The following HYOU1 variants were observed in gnomAD, a reference collection of about 807,000 sequenced individuals.
HYOU1 encodes hypoxia up-regulated protein 1.
Under a neutral mutation model 120.5 loss-of-function variants are expected in HYOU1, and 40 were observed. That is an observed-to-expected ratio of 0.33 (90% confidence interval 0.26 to 0.43). The LOEUF (loss-of-function observed/expected upper bound fraction) is 0.43, where lower values mean the gene tolerates loss of function less well. HYOU1 is among the 20% of genes least tolerant of loss of function. The pLI, the probability that HYOU1 is intolerant of heterozygous loss-of-function variation, is 1.00. For synonymous variants in HYOU1, 501 were observed against 479.4 expected (o/e 1.05, Z -0.59); for missense variants, 1,085 against 1,278.3 (o/e 0.85, Z 2.31).
Position 119,045,845 on chromosome 11 carries a change from A to G in HYOU1, c.2888-14T>C, listed in dbSNP as rs189673760. On this transcript the variant is annotated splice_polypyrimidine_tract_variant and intron_variant, in intron 24 of 25. Transcript: ENST00000617285. ...CTGGCTCGGATCCTGCTTTGGGAAG[A>G]AACAGGTTAGTCTCCTCAGAAGGGA... 1,481 of 1,612,268 alleles carry G rather than the reference A, an allele frequency of 9.2e-4. 15 individuals are homozygous for G. In the East Asian group the frequency reaches 0.018, roughly 20 times the overall value.
At chr11:119,047,479 T>C in intron 22 of HYOU1, 1 of 458,230 alleles carries the variant, frequency 2.2e-6, no homozygotes, top group Non-Finnish European at 4.0e-6. Flanking sequence ...TGAACCTAGC[T>C]CAAATCCCAG....
intron 1 of HYOU1, 195 bp from the exon 2 acceptor site, chr11:119,056,362 A>C: frequency 1.5e-6 from 1 of 661,258 alleles, no homozygotes; most frequent in Non-Finnish European, 2.8e-6. Flanking sequence ...CGCCCACACA[A>C]AGGCCCAAGT....
rs2133594679 is a variant in HYOU1 at position 119,052,682 on chromosome 11, A to G, written c.942T>C (p.Asn314=). 6.2e-7 allele frequency: 1 copy of G among 1,614,196 alleles called. No homozygotes were observed. The highest frequency in any genetic ancestry group is 1.7e-5 in the Admixed American group (1 of 60,022). The stretch of plus-strand genomic sequence containing the variant: ...TGGCACTGAGGACGGTTTTGAGCCG[A>G]TTAGCCTCACGCAGCAGCTTGGCCA... ...RAMAKLLREA[N]RLKTVLSANA... Residue 314 remains asparagine (N), a synonymous_variant, in exon 9 of 26, where the codon AAT becomes AAC. Transcript: ENST00000617285. The surrounding 1 kb of genome is among the most constrained non-coding windows in gnomAD (Gnocchi z 5.0).
At chr11:119,056,475 T>G (rs1944774223) in intron 1 of HYOU1, 1 of 470,048 alleles carries the variant, frequency 2.1e-6, no homozygotes, top group Non-Finnish European at 4.1e-6. Context: ...AGGCAGTGAG[T>G]GGCGCACCGC....
chr11:119,048,955 C>T lies in HYOU1; in HGVS notation c.1992+63G>A. 2 of 1,610,640 alleles carry T rather than the reference C, an allele frequency of 1.2e-6. No individual in the cohort carries two copies. The highest frequency in any genetic ancestry group is 1.7e-6 in the Non-Finnish European group (2 of 1,178,396). On this transcript the variant is annotated intron_variant, in intron 17 of 25. Transcript: ENST00000617285. This position sits in a 1 kb window ranked among gnomAD's most constrained non-coding sequence, Gnocchi z 4.7. ...CCTACATTCTCCACAAGGCCAGAAA[C>T]AAGGCAGGCGCCTGCTCCCTTAGCC...
Position 119,051,898 on chromosome 11 carries a change from A to G in HYOU1, c.1259T>C (p.Val420Ala). Residue 420 changes from valine to alanine, a missense_variant, in exon 12 of 26, where the codon GTG becomes GCG. Coordinates refer to ENST00000617285, the MANE Select transcript of HYOU1 (RefSeq NM_006389.5). This position sits in a 1 kb window ranked among gnomAD's most constrained non-coding sequence, Gnocchi z 4.2. Reference sequence around the variant, plus strand: ...TTTGCTGAGCGCAGCTGCCTGGTACACTGCCCCCATGGCGGCTGCTTCATC... The same window carrying G: ...TTTGCTGAGCGCAGCTGCCTGGTACGCTGCCCCCATGGCGGCTGCTTCATC... Reference protein sequence around the residue: ...NADEAAAMGAVYQAAALSKAF... With the variant: ...NADEAAAMGAAYQAAALSKAF... The G allele has an allele frequency of 6.2e-7, 1 of 1,614,156 alleles. No individual in the cohort carries two copies. Among genetic ancestry groups the G allele is most frequent in the Non-Finnish European group, 8.5e-7 (1 of 1,180,022 alleles).
At chr11:119,047,088 C>T in intron 22 of HYOU1, 1 of 323,484 alleles carries the variant, frequency 3.1e-6, no homozygotes, top group East Asian at 6.0e-5. Flanking sequence ...CGGAGTCTCG[C>T]TCTGTTGCCA....
At chr11:119,050,807 A>G (rs2133581312) in intron 14 of HYOU1, among the ~76,000 whole-genome samples, 1 of 151,008 alleles carries the variant, frequency 6.6e-6, no homozygotes, top group Admixed American at 6.7e-5. Context: ...TACAATGCCT[A>G]TATCAAACCA....
rs2133595090 is a variant in HYOU1 at position 119,052,725 on chromosome 11, C to A, written c.899G>T (p.Arg300Leu). The change falls in exon 9 of 26, where the codon CGG (arginine) becomes CTG (leucine). Residue 300 changes from arginine to leucine, a missense_variant. Arg to Leu is a moderately radical substitution (Grantham distance 102). Transcript: ENST00000617285. The surrounding 1 kb of genome is among the most constrained non-coding windows in gnomAD (Gnocchi z 5.0). Reference sequence around the variant, plus strand: ...CTTGGCCATGGCACGCGGGTTCTCCCGCACATCCTTTGCTCTCTGACCCTT... The same window carrying A: ...CTTGGCCATGGCACGCGGGTTCTCCAGCACATCCTTTGCTCTCTGACCCTT... ...QRKGQRAKDV[R>L]ENPRAMAKLL... 3.1e-5 allele frequency: 50 copies of A among 1,614,192 alleles called. No individual in the cohort carries two copies. The South Asian group carries it at 5.2e-4, about 17-fold the overall frequency.
chr11:119,054,395 G>T, intron 7 of HYOU1, 99 bp downstream of exon 7: 1 of 1,362,276 alleles, frequency 7.3e-7, no homozygotes, highest in Non-Finnish European at 1.0e-6. Context: ...TTTGCCAAGG[G>T]TCAGCCCAGC....
In HYOU1 at chr11:119,051,679, G is replaced by A. The variant is rs2133587182; in HGVS notation, c.1339-54C>T. ...GTTGCACACTAGAGAACCCGAGTAG[G>A]TTCTGGGGTAAGGATGGGGGTGGGA... On this transcript the variant is annotated intron_variant, in intron 12 of 25. Transcript: ENST00000617285. The surrounding 1 kb of genome is among the most constrained non-coding windows in gnomAD (Gnocchi z 4.2). 1.7e-5 allele frequency: 28 copies of A among 1,601,428 alleles called. No individual in the cohort carries two copies. In the African/African-American group the frequency reaches 3.5e-4, roughly 20 times the overall value.
At chr11:119,056,436 AG>A in intron 1 of HYOU1, 1 of 536,864 alleles carries the variant, frequency 1.9e-6, no homozygotes, top group Non-Finnish European at 3.6e-6. Context: ...GACAAGAGAA[AG>A]GAGACCCGAG....
In HYOU1 at chr11:119,052,690, C is replaced by T. The variant is rs1320077031; in HGVS notation, c.934G>A (p.Glu312Lys). The T allele has an allele frequency of 1.9e-6, 3 of 1,614,224 alleles. No individual in the cohort carries two copies. The highest frequency in any genetic ancestry group is 2.5e-6 in the Non-Finnish European group (3 of 1,180,026). The change falls in exon 9 of 26, where the codon GAG (glutamate) becomes AAG (lysine). Residue 312 changes from glutamate to lysine, a missense_variant. By Grantham distance (56) the Glu-to-Lys change is moderately conservative. Around this residue, in one of 4 missense-constraint regions of HYOU1, gnomAD observed 515 missense variants for 677.8 expected, o/e 0.76. Coordinates refer to ENST00000617285, the MANE Select transcript of HYOU1 (RefSeq NM_006389.5). This position sits in a 1 kb window ranked among gnomAD's most constrained non-coding sequence, Gnocchi z 5.0. ...NPRAMAKLLR[E>K]ANRLKTVLSA... Reference sequence around the variant, plus strand: ...AGGACGGTTTTGAGCCGATTAGCCTCACGCAGCAGCTTGGCCATGGCACGC... The same window carrying T: ...AGGACGGTTTTGAGCCGATTAGCCTTACGCAGCAGCTTGGCCATGGCACGC...
Position 119,051,200 on chromosome 11 carries a change from G to A in HYOU1, c.1527-27C>T, listed in dbSNP as rs2133583388. 1 of 1,613,876 alleles carries A rather than the reference G, an allele frequency of 6.2e-7. No homozygotes were observed. The highest frequency in any genetic ancestry group is 1.3e-5 in the African/African-American group (1 of 75,050). ...TGGTTGGGAAGGAAAGAGGAGTTCA[G>A]GGGGACCCACCCCAGCCCATCTCGC... On this transcript the variant is annotated intron_variant, in intron 13 of 25. Transcript: ENST00000617285. The surrounding 1 kb of genome is among the most constrained non-coding windows in gnomAD (Gnocchi z 4.2).
chr11:119,055,415 T>A lies in HYOU1; in HGVS notation c.265-76A>T, dbSNP rs1320471271. 4 of 1,607,768 alleles carry A rather than the reference T, an allele frequency of 2.5e-6. No individual in the cohort carries two copies. Among genetic ancestry groups the A allele is most frequent in the Non-Finnish European group, 2.6e-6 (3 of 1,174,836 alleles). On this transcript the variant is annotated intron_variant, in intron 4 of 25. Coordinates refer to ENST00000617285, the MANE Select transcript of HYOU1 (RefSeq NM_006389.5). The surrounding 1 kb of genome is among the most constrained non-coding windows in gnomAD (Gnocchi z 4.0). ...TACCTACCTCTTACATCACAGAGAC[T>A]GATAAGGAAACAGACTCTGGGGGCT...
intron 14 of HYOU1, among the ~76,000 whole-genome samples, chr11:119,050,651 T>C (rs1165647341): frequency 1.5e-5 from 2 of 136,134 alleles, no homozygotes; most frequent in African/African-American, 5.5e-5. Context: ...AGCCCAAGTG[T>C]TCAAGGCTGG....
intron 1 of HYOU1, chr11:119,056,516 T>G (rs1055930689): frequency 5.4e-5 from 21 of 388,316 alleles, no homozygotes; most frequent in African/African-American, 4.0e-4. Flanking sequence ...ACACCTGGGG[T>G]GCGGCCAGGG....
chr11:119,046,876 AC>A, intron 22 of HYOU1, 74 bp from the exon 23 acceptor site: 1 of 1,541,044 alleles, frequency 6.5e-7, no homozygotes, highest in Non-Finnish European at 8.7e-7. Flanking sequence ...ATGGAATCAC[AC>A]CCCCAACCAG....
Position 119,051,764 on chromosome 11 carries a change from C to T in HYOU1, c.1338+55G>A. 1 of 1,608,194 alleles carries T rather than the reference C, an allele frequency of 6.2e-7. No individual in the cohort carries two copies. Among genetic ancestry groups the T allele is most frequent in the South Asian group, 1.1e-5 (1 of 90,940 alleles). ...GAGCCAGAGCAGACAGAAGGGGAAACCCTACTTGGGAGAGGTAAAGGGAGC... is the reference window on the plus strand; with the variant it reads ...GAGCCAGAGCAGACAGAAGGGGAAATCCTACTTGGGAGAGGTAAAGGGAGC... On this transcript the variant is annotated intron_variant, in intron 12 of 25. Coordinates refer to ENST00000617285, the MANE Select transcript of HYOU1 (RefSeq NM_006389.5). The surrounding 1 kb of genome is among the most constrained non-coding windows in gnomAD (Gnocchi z 4.2).
Sources: allele counts gnomAD v4.1 joint callset (sites outside exome capture counted in the v4.1 genomes callset), GRCh38; gene constraint gnomAD v4.1.1; regional missense constraint gnomAD v4.1.1; non-coding constraint Gnocchi (gnomAD v3.1); transcripts MANE v1.5; gene names NCBI Gene and HGNC (gene_info 2026-07-23, HGNC 2026-07-21).